Variants in OTOG observed in about 807,000 individuals in gnomAD.
OTOG encodes the protein otogelin.
OTOG carries 296 observed loss-of-function variants against 313.8 expected under a neutral mutation model. That is an observed-to-expected ratio of 0.94 (90% CI 0.86 to 1.04). The LOEUF (loss-of-function observed/expected upper bound fraction) is 1.04. Ranked by LOEUF, OTOG falls within the 50% of genes least tolerant of loss-of-function variation. The pLI is 0.00. For missense variants in OTOG, 3,948 were observed against 3,840.1 expected (o/e 1.03, Z -0.74); for synonymous variants, 1,533 against 1,554.9 (o/e 0.99, Z 0.33).
At chr11:17,616,346 C>T (rs934657012) in intron 39 of OTOG, among the ~76,000 whole-genome samples, 2 of 152,222 alleles carry the variant, frequency 1.3e-5, no homozygotes, top group African/African-American at 2.4e-5. Context: ...CGTGAGCCAC[C>T]GTGCCTGGCC....
rs1050475640 is a variant in OTOG at position 17,635,146 on chromosome 11, C to T, written c.7652C>T (p.Thr2551Met). ...PSCRQDQILI[T>M]GRLGDSCCTS... ...TGCCGACAGGACCAGATCCTGATCACGGGCCGCCTGGGGGACTCCTGCTGC... is the reference window on the plus strand; with the variant it reads ...TGCCGACAGGACCAGATCCTGATCATGGGCCGCCTGGGGGACTCCTGCTGC... Residue 2551 changes from threonine to methionine, a missense_variant, in exon 46 of 56, where the codon ACG becomes ATG. Coordinates refer to ENST00000399397, the MANE Select transcript of OTOG (RefSeq NM_001292063.2). 123 of 1,548,746 alleles carry T rather than the reference C, an allele frequency of 7.9e-5. No individual in the cohort carries two copies. In the East Asian group the frequency reaches 2.4e-3, roughly 30 times the overall value.
chr11:17,568,592 T>C (rs968816978), intron 15 of OTOG, among the ~76,000 whole-genome samples: 4 of 152,238 alleles, frequency 2.6e-5, no homozygotes, highest in African/African-American at 7.2e-5. Flanking sequence ...CAGTATGCCT[T>C]GCACATAGTT....
At chr11:17,558,393 C>T (rs77000633) in intron 9 of OTOG, 78 bp downstream of exon 9, 1 of 1,531,502 alleles carries the variant, frequency 6.5e-7, no homozygotes, top group South Asian at 1.2e-5. Flanking sequence ...CTGGCTGTGG[C>T]ACCCCAGAAT....
chr11:17,558,953 G>A (rs1589997814), intron 10 of OTOG, 99 bp from the exon 11 acceptor site: 1 of 967,826 alleles, frequency 1.0e-6, no homozygotes, highest in Non-Finnish European at 1.6e-6. Flanking sequence ...TGGGTGGAGA[G>A]GAGAGATGCC....
chr11:17,572,247 G>A, intron 18 of OTOG, 43 bp downstream of exon 18: 1 of 1,547,372 alleles, frequency 6.5e-7, no homozygotes, highest in Non-Finnish European at 8.7e-7. Flanking sequence ...TGAGTGGGGT[G>A]GGGAGGACTG....
At chr11:17,551,850 C>A (rs2133995556) in intron 3 of OTOG, 150 bp from the exon 4 acceptor site, 2 of 659,700 alleles carry the variant, frequency 3.0e-6, no homozygotes, top group South Asian at 3.5e-5. Context: ...CTCGAGGGGG[C>A]CAGGCGAGGA....
At position 17,612,392 on chromosome 11, in the gene OTOG, G is replaced by A. The variant is rs1045208192; in HGVS notation, c.6292+62G>A. The A allele has an allele frequency of 1.6e-5, 23 of 1,471,636 alleles. No individual in the cohort carries two copies. In the Middle Eastern group the frequency reaches 1.2e-3, roughly 75 times the overall value. The allele number at this position is 1,471,636 out of a possible 1,614,324, so 91.2% of individuals were successfully genotyped here. A position where few individuals can be genotyped will look rare whatever the true frequency, so the allele number is the denominator to read the frequency against. On this transcript the variant is annotated intron_variant, in intron 37 of 55. Coordinates refer to ENST00000399397, the MANE Select transcript of OTOG (RefSeq NM_001292063.2). ...CCTGTATCCTTACCCCAGCATGACC[G>A]CCATCCCTGATCTGTGTGTCCCAGA...
In OTOG at chr11:17,641,832, C is replaced by T. The variant is rs959447697; in HGVS notation, c.8191-15C>T. 165 of 1,540,244 alleles carry T rather than the reference C, an allele frequency of 1.1e-4. 1 individual carries two copies. The highest frequency in any genetic ancestry group is 2.2e-4 in the Admixed American group (11 of 50,252). On this transcript the variant is annotated splice_polypyrimidine_tract_variant and intron_variant, in intron 51 of 55. Coordinates refer to ENST00000399397, the MANE Select transcript of OTOG (RefSeq NM_001292063.2). ...GTGGGCATCTGGCTGAGGCCCACCC[C>T]GCCCTGGCCTGTAGAACCAGGAGTA...
At chr11:17,635,486 T>C in intron 46 of OTOG, 124 bp from the exon 47 acceptor site, 1 of 733,144 alleles carries the variant, frequency 1.4e-6, no homozygotes, top group Non-Finnish European at 2.4e-6. Flanking sequence ...GACCATGCGA[T>C]GCTGCCATTA....
chr11:17,558,197 A>G lies in OTOG; in HGVS notation c.878A>G (p.Asp293Gly). 1 of 1,550,506 alleles carries G rather than the reference A, an allele frequency of 6.4e-7. No homozygotes were observed. The highest frequency in any genetic ancestry group is 8.7e-7 in the Non-Finnish European group (1 of 1,146,962). ...DLVTSSGKLT[D>G]DVVEFVHSWQ... is the part of the protein sequence containing the mutation. ...CTCCCTCCTCCAGGGAAGCTGACTG[A>G]CGACGTGGTTGAGTTTGTGCACAGC... The change falls in exon 9 of 56, where the codon GAC becomes GGC. Residue 293 changes from aspartate (D) to glycine (G), a missense_variant. By Grantham distance (94) the Asp-to-Gly change is moderately conservative. Transcript: ENST00000399397.
intron 2 of OTOG, 52 bp from the exon 3 acceptor site, chr11:17,548,100 A>C: frequency 6.6e-7 from 1 of 1,513,272 alleles, no homozygotes; most frequent in Non-Finnish European, 8.9e-7. Context: ...GACTGCGGGG[A>C]GGCATAACCC....
In OTOG at chr11:17,555,763, T is replaced by C; in HGVS notation, c.541-16T>C. 1 of 1,547,912 alleles carries C rather than the reference T, an allele frequency of 6.5e-7. No homozygotes were observed. The highest frequency in any genetic ancestry group is 8.7e-7 in the Non-Finnish European group (1 of 1,145,396). On this transcript the variant is annotated splice_polypyrimidine_tract_variant and intron_variant, in intron 6 of 55. Transcript: ENST00000399397. ...TGGCAGGAGCCTGCAAACCAGCCTC[T>C]GAACTCCCTACTCAGGTACACAATG...
At position 17,591,588 on chromosome 11, in the gene OTOG, G is replaced by T; in HGVS notation, c.3006G>T (p.Lys1002Asn). Residue 1002 changes from lysine to asparagine, a missense_variant and splice_region_variant, in exon 25 of 56, where the codon AAG becomes AAT. Transcript: ENST00000399397. ...GGGCATGCAAAGTGCACCTGGTCAA[G>T]GTGAGTTCCCGGATGTTTCTGCCCA... is the stretch of plus-strand genomic sequence containing the variant. ...FVGACKVHLV[K>N]STSDVSFSVI... 6.4e-7 allele frequency: 1 copy of T among 1,550,576 alleles called. No homozygotes were observed. The highest frequency in any genetic ancestry group is 8.7e-7 in the Non-Finnish European group (1 of 1,147,014).
intron 33 of OTOG, among the ~76,000 whole-genome samples, chr11:17,606,485 A>T (rs900960444): frequency 1.3e-5 from 2 of 152,200 alleles, no homozygotes; most frequent in African/African-American, 2.4e-5. Flanking sequence ...CTTGCTGATG[A>T]GGTCACATGT....
intron 36 of OTOG, among the ~76,000 whole-genome samples, chr11:17,611,827 T>C (rs1853558112): frequency 6.6e-6 from 1 of 152,104 alleles, no homozygotes; most frequent in Non-Finnish European, 1.5e-5. Flanking sequence ...TGTGTGTGTG[T>C]GTGTGTGTTT....
chr11:17,613,547 C>T (rs1853649594), intron 38 of OTOG, 65 bp from the exon 39 acceptor site: 6 of 1,343,762 alleles, frequency 4.5e-6, no homozygotes, highest in Admixed American at 3.9e-5. Context: ...TTTGCTGTGC[C>T]CACTCACTTG....
chr11:17,630,975 A>G (rs1367474394), intron 40 of OTOG, among the ~76,000 whole-genome samples: 2 of 152,244 alleles, frequency 1.3e-5, no homozygotes, highest in Non-Finnish European at 2.9e-5. Flanking sequence ...GCAATGATTC[A>G]GAGACCCAGA....
rs566138959 is a variant in OTOG at position 17,600,959 on chromosome 11, C to T, written c.3710-1251C>T. 5.9e-5 allele frequency among the ~76,000 whole-genome samples: 9 copies of T among 152,340 alleles called. No individual in the cohort carries two copies. The South Asian group carries it at 8.3e-4, about 14-fold the overall frequency. ...CAGTGGTCCCTGAGTCCTGCCACAG[C>T]GGTGTGTGGAGCAGGCTCACGCCGC... is the stretch of plus-strand genomic sequence containing the variant. On this transcript the variant is annotated intron_variant, in intron 31 of 55. Coordinates refer to ENST00000399397, the MANE Select transcript of OTOG (RefSeq NM_001292063.2).
At chr11:17,585,454 C>A (rs1383074765) in intron 23 of OTOG, among the ~76,000 whole-genome samples, 1 of 152,134 alleles carries the variant, frequency 6.6e-6, no homozygotes, top group Non-Finnish European at 1.5e-5. Context: ...TTTCAAAGAA[C>A]CAGCATCTGG....
Sources: allele counts gnomAD v4.1 joint callset (sites outside exome capture counted in the v4.1 genomes callset), GRCh38; gene constraint gnomAD v4.1.1; transcripts MANE v1.5; gene names NCBI Gene and HGNC (gene_info 2026-07-23, HGNC 2026-07-21).